The following NSD1 variants were observed in gnomAD, a reference collection of about 807,000 sequenced individuals.
NSD1 encodes the protein histone-lysine N-methyltransferase, H3 lysine-36 specific.
Under a neutral mutation model 242.7 loss-of-function variants are expected in NSD1, and 26 were observed. That is an observed-to-expected ratio of 0.11 (90% CI 0.08 to 0.15). The LOEUF (loss-of-function observed/expected upper bound fraction) is 0.15, where lower values mean the gene tolerates loss of function less well. Ranked by LOEUF, NSD1 falls within the 10% of genes least tolerant of loss-of-function variation. NSD1 has a pLI of 1.00. For synonymous variants in NSD1, 1,106 were observed against 1,178.1 expected, an observed-to-expected ratio of 0.94 and a Z score of 1.25; for missense variants, 2,495 against 3,272.8, an observed-to-expected ratio of 0.76 and a Z score of 5.80.
intron 5 of NSD1, among the ~76,000 whole-genome samples, chr5:177,216,787 G>A (rs1353185721): frequency 6.6e-6 from 1 of 150,996 alleles, no homozygotes; most frequent in South Asian, 2.1e-4. Flanking sequence ...CTCCCAAAAA[G>A]CGGGGATTAC....
chr5:177,161,196 G>C (rs1758717936), intron 2 of NSD1, among the ~76,000 whole-genome samples: 1 of 152,034 alleles, frequency 6.6e-6, no homozygotes, highest in East Asian at 1.9e-4. Context: ...CAAGCCTGGG[G>C]AACATAGGGA....
rs1266851657 is a variant in NSD1 at position 177,295,162 on chromosome 5, A to G, written c.7794A>G (p.Gln2598=). ...QLPALAAKSG[Q]SFRSLGKAPA... is the part of the protein sequence containing the mutation. Reference sequence around the variant, plus strand: ...CTGCACTTGCCGCCAAGAGTGGGCAATCTTTTAGGTCTCTCGGGAAGGCCC... The same window carrying G: ...CTGCACTTGCCGCCAAGAGTGGGCAGTCTTTTAGGTCTCTCGGGAAGGCCC... The change falls in exon 23 of 23, where the codon CAA becomes CAG. Residue 2598 remains glutamine, a synonymous_variant. Transcript: ENST00000439151. This position sits in a 1 kb window ranked among gnomAD's most constrained non-coding sequence, Gnocchi z 4.3. The G allele has an allele frequency of 2.5e-6, 4 of 1,614,186 alleles. No homozygotes were observed. The highest frequency in any genetic ancestry group is 3.3e-5 in the Admixed American group (2 of 60,024).
chr5:177,210,526 A>G lies in NSD1; in HGVS notation c.2127A>G (p.Thr709=), dbSNP rs1247571751. The change falls in exon 5 of 23, where the codon ACA becomes ACG. Residue 709 remains threonine, a synonymous_variant. Transcript: ENST00000439151. ...AGCCTCTCATTAGTAACTCACATAC[A>G]GACCACTTAATGGGTTGTACTAAGA... ...KQKPLISNSH[T]DHLMGCTKSA... is the part of the protein sequence containing the mutation. 1 of 1,614,124 alleles carries G rather than the reference A, an allele frequency of 6.2e-7. No individual in the cohort carries two copies. Among genetic ancestry groups the G allele is most frequent in the African/African-American group, 1.3e-5 (1 of 74,940 alleles).
chr5:177,145,885 GC>G (rs902186389), intron 2 of NSD1, among the ~76,000 whole-genome samples: 1 of 143,156 alleles, frequency 7.0e-6, no homozygotes, highest in African/African-American at 2.7e-5. Flanking sequence ...TCCAGCCTGG[GC>G]TAGAAGAGCG....
At chr5:177,249,271 C>T (rs1381504308) in intron 11 of NSD1, among the ~76,000 whole-genome samples, 2 of 152,014 alleles carry the variant, frequency 1.3e-5, no homozygotes, top group Admixed American at 6.6e-5. Flanking sequence ...GCCAGGAGTT[C>T]TAGACCAGTC....
intron 5 of NSD1, among the ~76,000 whole-genome samples, chr5:177,222,106 C>T (rs1160201252): frequency 3.3e-5 from 5 of 151,878 alleles, no homozygotes; most frequent in Non-Finnish European, 5.9e-5. Context: ...CCATCGCACC[C>T]GGCCCCCACT....
chr5:177,258,210 C>T (rs936568250), intron 13 of NSD1, among the ~76,000 whole-genome samples: 2 of 150,824 alleles, frequency 1.3e-5, no homozygotes, highest in East Asian at 3.9e-4. Context: ...GAACTCCCGA[C>T]CTCAGGTGAT....
chr5:177,135,117 G>A lies in NSD1; in HGVS notation c.14G>A (p.Cys5Tyr), dbSNP rs1169930104. The change falls in exon 2 of 23, where the codon TGT (cysteine) becomes TAT (tyrosine). Residue 5 changes from cysteine (C) to tyrosine (Y), a missense_variant. By Grantham distance (194) the Cys-to-Tyr change is radical (BLOSUM62 -2). This residue lies in a region of NSD1 where 376 missense variants were observed against 367.4 expected (regional missense o/e 1.02). Transcript: ENST00000439151. MDQT[C>Y]ELPRRNCLLP... is the part of the protein sequence containing the mutation. ...TGCCGGCCCAGGATGGATCAGACCT[G>A]TGAACTACCCAGAAGAAATTGTCTG... 1.2e-6 allele frequency: 2 copies of A among 1,614,058 alleles called. No homozygotes were observed. The highest frequency in any genetic ancestry group is 2.2e-5 in the East Asian group (1 of 44,904).
intron 3 of NSD1, among the ~76,000 whole-genome samples, chr5:177,196,301 A>G (rs1439641039): frequency 6.6e-6 from 1 of 152,232 alleles, no homozygotes; most frequent in African/African-American, 2.4e-5. Context: ...AGGAGCCGCC[A>G]TGCTCTGATC....
chr5:177,135,019 T>A, intron 1 of NSD1, 68 bp from the exon 2 acceptor site: 2 of 1,392,132 alleles, frequency 1.4e-6, no homozygotes, highest in Non-Finnish European at 2.0e-6. Flanking sequence ...TTGAAGTGGC[T>A]GCCATTTTAA....
chr5:177,176,714 C>T (rs1227307794), intron 2 of NSD1, among the ~76,000 whole-genome samples: 1 of 152,090 alleles, frequency 6.6e-6, no homozygotes, highest in Non-Finnish European at 1.5e-5. Flanking sequence ...CAGTTAAAAC[C>T]TAGAAAGGCT....
chr5:177,218,707 A>G (rs1562222699), intron 5 of NSD1, among the ~76,000 whole-genome samples: 1 of 151,708 alleles, frequency 6.6e-6, no homozygotes, highest in African/African-American at 2.4e-5. Context: ...AGCTGGGACT[A>G]CAGGCGCCCC....
At chr5:177,227,763 A>T (rs948286354) in intron 5 of NSD1, among the ~76,000 whole-genome samples, 2 of 152,026 alleles carry the variant, frequency 1.3e-5, no homozygotes, top group Admixed American at 6.6e-5. Flanking sequence ...TTAAATTTTT[A>T]AAATAACCTA....
intron 16 of NSD1, among the ~76,000 whole-genome samples, chr5:177,271,474 CAT>C (rs1295356372): frequency 1.3e-5 from 2 of 152,168 alleles, no homozygotes; most frequent in African/African-American, 4.8e-5. Flanking sequence ...ACTCGCCTAA[CAT>C]ATCAGTACCA....
chr5:177,162,964 C>T (rs1457238512), intron 2 of NSD1, among the ~76,000 whole-genome samples: 2 of 152,062 alleles, frequency 1.3e-5, no homozygotes, highest in East Asian at 3.9e-4. Flanking sequence ...TATGTTCAGC[C>T]ATACCTGGCT....
intron 2 of NSD1, among the ~76,000 whole-genome samples, chr5:177,139,174 C>T (rs1482767925): frequency 6.6e-6 from 1 of 151,618 alleles, no homozygotes; most frequent in East Asian, 2.0e-4. Context: ...TCACTTGAAC[C>T]CGGGAGGCTG....
chr5:177,248,446 G>A, intron 11 of NSD1, 122 bp downstream of exon 11: 6 of 1,257,020 alleles, frequency 4.8e-6, no homozygotes, highest in Non-Finnish European at 6.8e-6. Context: ...TTCCAGTGGA[G>A]TCACTTTCTT....
At chr5:177,193,027 T>TG (rs1205138243) in intron 3 of NSD1, among the ~76,000 whole-genome samples, 9 of 152,236 alleles carry the variant, frequency 5.9e-5, no homozygotes, top group African/African-American at 2.2e-4. Context: ...AATTTTAATT[T>TG]GGAGTATTTC....
At chr5:177,242,879 C>G (rs1765994450) in intron 8 of NSD1, among the ~76,000 whole-genome samples, 1 of 152,096 alleles carries the variant, frequency 6.6e-6, no homozygotes, top group African/African-American at 2.4e-5. Context: ...TGTTGTTTTA[C>G]AGTTATGATG....
Sources: gnomAD v4.1 joint callset for allele counts (sites outside exome capture counted in the v4.1 genomes callset) on GRCh38, gnomAD v4.1.1 for gene constraint, gnomAD v4.1.1 regional missense constraint, Gnocchi (gnomAD v3.1) non-coding constraint, MANE v1.5 for transcripts, NCBI Gene and HGNC (gene_info 2026-07-23, HGNC 2026-07-21) for gene names.